Variants in CCDC102B observed in about 807,000 individuals in gnomAD.
CCDC102B encodes the protein coiled-coil domain containing 102B, also known as coiled-coil domain-containing protein 102B.
CCDC102B carries 75 observed loss-of-function variants against 57.4 expected under a neutral mutation model. That is an observed-to-expected ratio of 1.31 (90% CI 1.08 to 1.58). The LOEUF (loss-of-function observed/expected upper bound fraction) is 1.58. CCDC102B is among the 40% of genes most tolerant of loss of function. The pLI is 0.00. For missense variants in CCDC102B, 636 were observed against 582.6 expected, an observed-to-expected ratio of 1.09 and a Z score of -0.94; for synonymous variants, 206 against 201.9, an observed-to-expected ratio of 1.02 and a Z score of -0.17.
chr18:68,904,485 TGA>T (rs2040556685), intron 6 of CCDC102B, among the ~76,000 whole-genome samples: 1 of 152,210 alleles, frequency 6.6e-6, no homozygotes, highest in Admixed American at 6.5e-5. Context: ...ATTATTGGGT[TGA>T]GTGGAACAAT....
At chr18:68,897,810 C>A in intron 6 of CCDC102B, 1 of 363,580 alleles carries the variant, frequency 2.8e-6, no homozygotes, top group Non-Finnish European at 5.0e-6. Flanking sequence ...TAAGCATTTG[C>A]TGGTAGCTAT....
intron 6 of CCDC102B, among the ~76,000 whole-genome samples, chr18:68,956,397 TAAA>T (rs2049862717): frequency 2.5e-5 from 2 of 78,702 alleles, no homozygotes; most frequent in African/African-American, 9.9e-5. Flanking sequence ...AATATATATA[TAAA>T]TATATTTTAT....
intron 5 of CCDC102B, among the ~76,000 whole-genome samples, chr18:68,880,016 G>A (rs1198211243): frequency 6.6e-6 from 1 of 152,194 alleles, no homozygotes; most frequent in Non-Finnish European, 1.5e-5. Flanking sequence ...CCCTTGGGTG[G>A]TCGATGGGAT....
At chr18:69,057,814 A>G (rs1042251172), downstream of CCDC102B, among the ~76,000 whole-genome samples, 7 of 152,048 alleles carry the variant, frequency 4.6e-5, no homozygotes, top group Non-Finnish European at 4.4e-5. Context: ...TTGCAGATAA[A>G]CAATTCAAAT....
chr18:68,871,751 G>C (rs1014125506), intron 4 of CCDC102B, among the ~76,000 whole-genome samples: 1 of 152,064 alleles, frequency 6.6e-6, no homozygotes, highest in East Asian at 1.9e-4. Flanking sequence ...AGGAGTTATC[G>C]GATCATGTGG....
chr18:68,790,953 C>T (rs1435808711), intron 2 of CCDC102B, among the ~76,000 whole-genome samples: 2 of 152,146 alleles, frequency 1.3e-5, no homozygotes, highest in African/African-American at 2.4e-5. Context: ...TTGAATTTCA[C>T]AGAGTGTAGG....
chr18:69,021,809 T>C (rs562240409), intron 7 of CCDC102B, among the ~76,000 whole-genome samples: 13 of 152,314 alleles, frequency 8.5e-5, no homozygotes, highest in Non-Finnish European at 1.9e-4. Context: ...GAAGACATCA[T>C]AGACAAAAGT....
At chr18:68,787,505 A>G (rs1308507308) in intron 2 of CCDC102B, among the ~76,000 whole-genome samples, 1 of 150,798 alleles carries the variant, frequency 6.6e-6, no homozygotes, top group Non-Finnish European at 1.5e-5. Context: ...ACAATTTCAG[A>G]TCCTGTTATT....
chr18:68,954,412 T>G (rs1293418870), intron 6 of CCDC102B, among the ~76,000 whole-genome samples: 2 of 152,154 alleles, frequency 1.3e-5, no homozygotes, highest in East Asian at 3.9e-4. Context: ...AGAGTGAGAC[T>G]CCGTCTCAAA....
At chr18:68,890,013 A>T (rs1767357842) in intron 5 of CCDC102B, among the ~76,000 whole-genome samples, 1 of 152,118 alleles carries the variant, frequency 6.6e-6, no homozygotes, top group Admixed American at 6.5e-5. Context: ...GGCATATCTT[A>T]CTGGAGATAT....
intron 6 of CCDC102B, among the ~76,000 whole-genome samples, chr18:68,960,589 A>T (rs2050021848): frequency 6.6e-6 from 1 of 152,114 alleles, no homozygotes; most frequent in South Asian, 2.1e-4. Context: ...CTTGCCCAGG[A>T]TTTGCAATCC....
intron 2 of CCDC102B, among the ~76,000 whole-genome samples, chr18:68,749,021 A>G (rs2033740281): frequency 6.6e-6 from 1 of 152,194 alleles, no homozygotes; most frequent in Non-Finnish European, 1.5e-5. Flanking sequence ...ATCACCATTT[A>G]TTAAATAGGG....
intron 1 of CCDC102B, among the ~76,000 whole-genome samples, chr18:68,830,281 C>A (rs1006718092): frequency 6.6e-6 from 1 of 151,852 alleles, no homozygotes; most frequent in Non-Finnish European, 1.5e-5. Flanking sequence ...GTGTTATTTC[C>A]CATAAAATGT....
intron 2 of CCDC102B, among the ~76,000 whole-genome samples, chr18:68,837,812 A>G (rs1341250250): frequency 6.6e-6 from 1 of 152,160 alleles, no homozygotes; most frequent in Non-Finnish European, 1.5e-5. Flanking sequence ...CAAGAAAGAT[A>G]TGTATATGTA....
intron 2 of CCDC102B, among the ~76,000 whole-genome samples, chr18:68,723,823 G>T (rs1261884751): frequency 6.6e-6 from 1 of 152,216 alleles, no homozygotes; most frequent in African/African-American, 2.4e-5. Context: ...ATTCTGGGGT[G>T]TGGAGGATGG....
intron 6 of CCDC102B, among the ~76,000 whole-genome samples, chr18:68,981,035 C>G (rs1279226643): frequency 6.6e-6 from 1 of 152,028 alleles, no homozygotes; most frequent in Admixed American, 6.6e-5. Context: ...GAGGAAATGA[C>G]TGCTGTGGAA....
chr18:68,829,719 A>C (rs1282553011), intron 1 of CCDC102B, among the ~76,000 whole-genome samples: 1 of 151,858 alleles, frequency 6.6e-6, no homozygotes, highest in Non-Finnish European at 1.5e-5. Context: ...ATCTTGTGAC[A>C]TAGCCACACA....
chr18:68,911,751 CAAAAAAAAAAAAA>C (rs74175338), intron 6 of CCDC102B, among the ~76,000 whole-genome samples: 1 of 18,030 alleles, frequency 5.5e-5, no homozygotes, highest in South Asian at 3.1e-3. Flanking sequence ...GACTCCGTCT[CAAAAAAAAAAAAA>C]AAAAAAAAAA....
chr18:68,906,805 C>G (rs942533340), intron 6 of CCDC102B, among the ~76,000 whole-genome samples: 1 of 149,244 alleles, frequency 6.7e-6, no homozygotes, highest in African/African-American at 2.5e-5. Flanking sequence ...TCTTTTGATA[C>G]ACGCAGTTTT....
Sources: allele counts gnomAD v4.1 joint callset (sites outside exome capture counted in the v4.1 genomes callset), GRCh38; gene constraint gnomAD v4.1.1; transcripts MANE v1.5; gene names NCBI Gene and HGNC (gene_info 2026-07-23, HGNC 2026-07-21).